KCNH8: variants seen among roughly 807,000 people sequenced by gnomAD.
The protein encoded by KCNH8 is voltage-gated delayed rectifier potassium channel KCNH8.
A neutral mutation model predicts 103.6 loss-of-function variants in KCNH8; 70 were observed. The ratio of observed to expected loss-of-function variants is 0.68; its 90% CI spans 0.56 to 0.82. KCNH8 has a LOEUF of 0.82. KCNH8 is among the 40% of genes least tolerant of loss of function. KCNH8 has a pLI of 0.00. For synonymous variants in KCNH8, 498 were observed against 489.4 expected (o/e 1.02, Z -0.23); for missense variants, 1,217 against 1,329.9 (o/e 0.92, Z 1.32).
At chr3:19,489,175 C>T (rs2068269613) in intron 11 of KCNH8, among the ~76,000 whole-genome samples, 1 of 152,028 alleles carries the variant, frequency 6.6e-6, no homozygotes, top group African/African-American at 2.4e-5. Context: ...AGGAGTGTGG[C>T]TATCTGGTGG....
Position 19,345,764 on chromosome 3 carries a change from T to A in KCNH8, c.571-1961T>A, listed in dbSNP as rs1017927187. On this transcript the variant is annotated intron_variant, in intron 4 of 15. Coordinates refer to ENST00000328405, the MANE Select transcript of KCNH8 (RefSeq NM_144633.3). The stretch of plus-strand genomic sequence containing the variant: ...TGTAAAGATGTTTGCAGGATTTGAG[T>A]TAACAACATTTCAAAATTTAAATCT... Among the ~76,000 whole-genome samples, 10 of 152,166 alleles carry A rather than the reference T, an allele frequency of 6.6e-5. No individual in the cohort carries two copies. In the South Asian group the frequency reaches 1.2e-3, roughly 19 times the overall value.
intron 3 of KCNH8, among the ~76,000 whole-genome samples, chr3:19,312,418 C>CAA (rs1318527982): frequency 6.6e-6 from 1 of 151,802 alleles, no homozygotes; most frequent in East Asian, 1.9e-4. Flanking sequence ...CTTGGCAAGC[C>CAA]GTATAAGCTT....
At chr3:19,258,364 G>C (rs532034786) in intron 2 of KCNH8, among the ~76,000 whole-genome samples, 4 of 152,120 alleles carry the variant, frequency 2.6e-5, no homozygotes, top group African/African-American at 7.2e-5. Context: ...CCATCTCCCA[G>C]GGAAGTTTGC....
chr3:19,404,396 G>A (rs928226154), intron 7 of KCNH8, among the ~76,000 whole-genome samples: 1 of 151,852 alleles, frequency 6.6e-6, no homozygotes, highest in Admixed American at 6.6e-5. Flanking sequence ...TAGAAGAGTG[G>A]GTCTTTTTTG....
chr3:19,462,154 C>T (rs960990123), intron 11 of KCNH8, among the ~76,000 whole-genome samples: 10 of 152,138 alleles, frequency 6.6e-5, no homozygotes, highest in Admixed American at 4.6e-4. Context: ...TGGATATATA[C>T]CCAATAATGG....
In KCNH8 at chr3:19,352,449, C is replaced by T. The variant is rs1161331286; in HGVS notation, c.811+4484C>T. Among the ~76,000 whole-genome samples, 11 of 152,230 alleles carry T rather than the reference C, an allele frequency of 7.2e-5. No individual in the cohort carries two copies. The South Asian group carries it at 8.3e-4, about 11-fold the overall frequency. On this transcript the variant is annotated intron_variant, in intron 5 of 15. Coordinates refer to ENST00000328405, the MANE Select transcript of KCNH8 (RefSeq NM_144633.3). ...ATATACATTCTTCTCAGCACCACATCGCAATTATACCAAAATTGACCACAT... is the reference window on the plus strand; with the variant it reads ...ATATACATTCTTCTCAGCACCACATTGCAATTATACCAAAATTGACCACAT...
At chr3:19,281,115 T>C in intron 2 of KCNH8, 83 bp from the exon 3 acceptor site, 1 of 1,445,256 alleles carries the variant, frequency 6.9e-7, no homozygotes. Context: ...CTAAGGGCTT[T>C]ATTTTTTATT....
intron 1 of KCNH8, among the ~76,000 whole-genome samples, chr3:19,242,291 G>A (rs189328861): frequency 1.2e-4 from 19 of 152,196 alleles, no homozygotes; most frequent in African/African-American, 2.2e-4. Context: ...ACCATTCCAC[G>A]GTCATACCAT....
intron 11 of KCNH8, among the ~76,000 whole-genome samples, chr3:19,459,431 A>T (rs1415590787): frequency 1.3e-5 from 2 of 151,666 alleles, no homozygotes; most frequent in African/African-American, 4.8e-5. Context: ...AGGTTATTTA[A>T]TTTCTTGTTA....
intron 7 of KCNH8, among the ~76,000 whole-genome samples, chr3:19,403,399 T>TAA (rs1044513724): frequency 1.4e-5 from 2 of 139,768 alleles, no homozygotes; most frequent in Non-Finnish European, 3.2e-5. Context: ...TATATATATA[T>TAA]AAAATCCTTC....
chr3:19,305,755 A>T (rs1343747151), intron 3 of KCNH8, among the ~76,000 whole-genome samples: 1 of 152,098 alleles, frequency 6.6e-6, no homozygotes, highest in East Asian at 1.9e-4. Context: ...GAAAACAAAT[A>T]TTTATCAGAC....
At chr3:19,175,931 C>T (rs895578701) in intron 1 of KCNH8, among the ~76,000 whole-genome samples, 1 of 152,200 alleles carries the variant, frequency 6.6e-6, no homozygotes, top group African/African-American at 2.4e-5. Context: ...ACTCAGATTT[C>T]ACATTTTCCT....
chr3:19,514,390 A>G (rs1459017082), intron 13 of KCNH8, among the ~76,000 whole-genome samples: 3 of 151,976 alleles, frequency 2.0e-5, no homozygotes, highest in African/African-American at 7.2e-5. Context: ...CTTCTTCCTA[A>G]GTTTATACTA....
intron 1 of KCNH8, among the ~76,000 whole-genome samples, chr3:19,177,221 G>A (rs896593514): frequency 1.3e-5 from 2 of 152,076 alleles, no homozygotes; most frequent in Non-Finnish European, 2.9e-5. Context: ...AACCAAGAAG[G>A]CAGAGCATCA....
intron 11 of KCNH8, among the ~76,000 whole-genome samples, chr3:19,503,946 A>T (rs2068642717): frequency 6.6e-6 from 1 of 151,806 alleles, no homozygotes; most frequent in Non-Finnish European, 1.5e-5. Flanking sequence ...ATAATAATAA[A>T]GAAAATTACT....
intron 2 of KCNH8, among the ~76,000 whole-genome samples, chr3:19,263,248 A>G (rs892080840): frequency 1.3e-5 from 2 of 152,064 alleles, no homozygotes; most frequent in African/African-American, 4.8e-5. Context: ...CCTGTGTAAT[A>G]TATATGACCA....
intron 11 of KCNH8, among the ~76,000 whole-genome samples, chr3:19,458,091 G>A (rs2067561976): frequency 6.6e-6 from 1 of 151,928 alleles, no homozygotes; most frequent in Non-Finnish European, 1.5e-5. Flanking sequence ...CTATTTTTAT[G>A]GAAGAGAAAA....
chr3:19,332,349 C>G (rs2065522420), intron 3 of KCNH8, among the ~76,000 whole-genome samples: 1 of 152,146 alleles, frequency 6.6e-6, no homozygotes, highest in Non-Finnish European at 1.5e-5. Context: ...CAATGTGTAA[C>G]CTCTTGAGAT....
At chr3:19,419,231 G>A (rs1270893922) in intron 7 of KCNH8, among the ~76,000 whole-genome samples, 3 of 121,528 alleles carry the variant, frequency 2.5e-5, no homozygotes, top group Non-Finnish European at 4.8e-5. Context: ...ACGGAGTCTC[G>A]CTCTGTCGCC....
Sources: gnomAD v4.1 joint callset for allele counts (sites outside exome capture counted in the v4.1 genomes callset) on GRCh38, gnomAD v4.1.1 for gene constraint, MANE v1.5 for transcripts, NCBI Gene and HGNC (gene_info 2026-07-23, HGNC 2026-07-21) for gene names.